Variants in NR6A1 observed in about 807,000 individuals in gnomAD.
NR6A1 encodes the protein retinoic acid receptor-related testis-associated receptor.
Under a neutral mutation model 59.1 loss-of-function variants are expected in NR6A1, and 7 were observed. The ratio of observed to expected loss-of-function variants is 0.12; its 90% CI spans 0.07 to 0.22. The LOEUF is 0.22. Among genes scored for constraint, NR6A1 ranks in the 10% least tolerant of loss-of-function variants. The probability of loss-of-function intolerance (pLI) is 1.00; values close to 1 mark genes in which losing one functional copy is unlikely to be tolerated. For missense variants in NR6A1, 468 were observed against 611.6 expected, an observed-to-expected ratio of 0.77 and a Z score of 2.48; for synonymous variants, 243 against 236.1, an observed-to-expected ratio of 1.03 and a Z score of -0.27.
intron 2 of NR6A1, among the ~76,000 whole-genome samples, chr9:124,612,734 AC>A (rs1835785439): frequency 6.6e-6 from 1 of 151,332 alleles, no homozygotes; most frequent in Non-Finnish European, 1.5e-5. Context: ...GGTAAGGTAA[AC>A]CCCCATATAT....
At chr9:124,647,396 A>G (rs1187601815) in intron 2 of NR6A1, among the ~76,000 whole-genome samples, 1 of 152,200 alleles carries the variant, frequency 6.6e-6, no homozygotes, top group Non-Finnish European at 1.5e-5. Context: ...GGAAAATCTA[A>G]AAGAAATGGA....
intron 2 of NR6A1, among the ~76,000 whole-genome samples, chr9:124,690,844 T>A (rs1005651127): frequency 1.3e-5 from 2 of 152,148 alleles, no homozygotes; most frequent in Non-Finnish European, 2.9e-5. Flanking sequence ...CTTAAAGGAA[T>A]GAGGATGATG....
chr9:124,769,488 C>G (rs1841046114), intron 1 of NR6A1, among the ~76,000 whole-genome samples: 1 of 152,208 alleles, frequency 6.6e-6, no homozygotes, highest in South Asian at 2.1e-4. Context: ...CCTAACTGAC[C>G]TATTTTCAGG....
At chr9:124,625,541 T>C (rs1836212727) in intron 2 of NR6A1, among the ~76,000 whole-genome samples, 2 of 152,168 alleles carry the variant, frequency 1.3e-5, no homozygotes, top group South Asian at 4.1e-4. Context: ...AGGCTCATTT[T>C]ATTAAGAGGC....
chr9:124,652,790 C>A (rs1385409995), intron 2 of NR6A1, among the ~76,000 whole-genome samples: 1 of 152,136 alleles, frequency 6.6e-6, no homozygotes, highest in East Asian at 1.9e-4. Context: ...CCAGCTATTA[C>A]TTTAAAAAGC....
At chr9:124,582,653 A>T (rs1834808703) in intron 2 of NR6A1, among the ~76,000 whole-genome samples, 1 of 152,140 alleles carries the variant, frequency 6.6e-6, no homozygotes, top group Admixed American at 6.5e-5. Context: ...TTGGGAGGCC[A>T]AGGTGGAAGG....
chr9:124,684,717 A>C (rs1256627273), intron 2 of NR6A1, among the ~76,000 whole-genome samples: 1 of 152,232 alleles, frequency 6.6e-6, no homozygotes, highest in African/African-American at 2.4e-5. Context: ...GTGTAGCAGC[A>C]GCTGATAAAT....
intron 2 of NR6A1, chr9:124,692,350 C>T (rs1259099088): frequency 2.7e-6 from 1 of 366,178 alleles, no homozygotes; most frequent in Non-Finnish European, 6.1e-6. Flanking sequence ...AATTTAAATA[C>T]TCTCGACTTG....
At chr9:124,658,164 CCT>C (rs1837318410) in intron 2 of NR6A1, among the ~76,000 whole-genome samples, 1 of 152,088 alleles carries the variant, frequency 6.6e-6, no homozygotes, top group South Asian at 2.1e-4. Flanking sequence ...GTGTAAGCAA[CCT>C]CTGGGTGGGT....
chr9:124,547,132 T>C (rs1233771414), intron 3 of NR6A1, among the ~76,000 whole-genome samples: 1 of 152,256 alleles, frequency 6.6e-6, no homozygotes, highest in Non-Finnish European at 1.5e-5. Context: ...TATCTAAGTC[T>C]AAGAAAGAGA....
intron 2 of NR6A1, among the ~76,000 whole-genome samples, chr9:124,678,282 A>G (rs1838024057): frequency 6.6e-6 from 1 of 152,238 alleles, no homozygotes; most frequent in African/African-American, 2.4e-5. Flanking sequence ...ACAAATTAAA[A>G]GAGAACCCTA....
intron 2 of NR6A1, among the ~76,000 whole-genome samples, chr9:124,614,759 G>A (rs1835842562): frequency 6.6e-6 from 1 of 152,122 alleles, no homozygotes; most frequent in African/African-American, 2.4e-5. Context: ...TCAATGAACT[G>A]GCTACCACAC....
At chr9:124,734,035 C>T (rs935971318) in intron 1 of NR6A1, among the ~76,000 whole-genome samples, 2 of 152,202 alleles carry the variant, frequency 1.3e-5, no homozygotes, top group Non-Finnish European at 2.9e-5. Flanking sequence ...ATAGTACGTC[C>T]TCTATACATC....
chr9:124,589,290 C>T (rs572896445), intron 2 of NR6A1, among the ~76,000 whole-genome samples: 15 of 151,984 alleles, frequency 9.9e-5, no homozygotes, highest in Non-Finnish European at 1.3e-4. Flanking sequence ...ACTAAAAACA[C>T]AAAAAATTAG....
At position 124,634,273 on chromosome 9, in the gene NR6A1, CA is replaced by C. The variant is rs564157885; in HGVS notation, c.143-79704del. Among the ~76,000 whole-genome samples, 65 of 152,212 alleles carry C rather than the reference CA, an allele frequency of 4.3e-4. 1 individual carries two copies. Among genetic ancestry groups the C allele is most frequent in the Admixed American group, 7.9e-4 (12 of 15,286 alleles). ...ACTTTGTTAAATGTCAGGTACATAA[CA>C]AAAAAGTTTAACATTAGTCTTCTTT... On this transcript the variant is annotated intron_variant, in intron 2 of 9. Transcript: ENST00000487099.
intron 2 of NR6A1, among the ~76,000 whole-genome samples, chr9:124,578,542 C>T (rs1834672218): frequency 1.3e-5 from 2 of 152,092 alleles, no homozygotes; most frequent in African/African-American, 4.8e-5. Flanking sequence ...ATCAATTCTC[C>T]CTCCAAAACA....
intron 1 of NR6A1, among the ~76,000 whole-genome samples, chr9:124,744,200 A>T (rs56197625): frequency 6.6e-6 from 1 of 152,204 alleles, no homozygotes; most frequent in Non-Finnish European, 1.5e-5. Context: ...GGATCACTGC[A>T]CTCCAGCCTG....
intron 1 of NR6A1, among the ~76,000 whole-genome samples, chr9:124,746,736 G>GA (rs1267394688): frequency 6.6e-5 from 10 of 152,118 alleles, no homozygotes. Flanking sequence ...GACTAAGGGA[G>GA]AAAAAACTCC....
intron 1 of NR6A1, among the ~76,000 whole-genome samples, chr9:124,753,137 AT>A (rs967115733): frequency 1.3e-5 from 2 of 152,230 alleles, no homozygotes; most frequent in Non-Finnish European, 2.9e-5. Context: ...AGAAGGCATC[AT>A]AAAACATTCC....
Sources: gnomAD v4.1 joint callset for allele counts (sites outside exome capture counted in the v4.1 genomes callset) on GRCh38, gnomAD v4.1.1 for gene constraint, MANE v1.5 for transcripts, NCBI Gene and HGNC (gene_info 2026-07-23, HGNC 2026-07-21) for gene names.